The following DBNL variants were observed in gnomAD, a reference collection of about 807,000 sequenced individuals.
DBNL encodes drebrin-like protein.
A neutral mutation model predicts 62.2 loss-of-function variants in DBNL; 35 were observed. That is an observed-to-expected ratio of 0.56 (90% CI 0.43 to 0.75). The LOEUF (loss-of-function observed/expected upper bound fraction) is 0.75, where lower values mean the gene tolerates loss of function less well. DBNL is among the 30% of genes least tolerant of loss of function. DBNL has a pLI of 0.00. For synonymous variants in DBNL, 197 were observed against 218.0 expected (o/e 0.90, Z 0.85); for missense variants, 495 against 578.4 (o/e 0.86, Z 1.48).
At position 44,059,244 on chromosome 7, in the gene DBNL, A is replaced by G; in HGVS notation, c.836-110A>G. 2 of 1,157,168 alleles carry G rather than the reference A, an allele frequency of 1.7e-6. No individual in the cohort carries two copies. The highest frequency in any genetic ancestry group is 1.2e-6 in the Non-Finnish European group (1 of 809,140). The allele number at this position is 1,157,168 out of a possible 1,614,324, so 71.7% of individuals were successfully genotyped here. A position where few individuals can be genotyped will look rare whatever the true frequency, so the allele number is the denominator to read the frequency against. On this transcript the variant is annotated intron_variant, in intron 9 of 12. Coordinates refer to ENST00000448521, the MANE Select transcript of DBNL (RefSeq NM_001014436.3). The surrounding 1 kb of genome is among the most constrained non-coding windows in gnomAD (Gnocchi z 4.1). ...GGGCCTCTGTTCCTGCACTAGCAAG[A>G]GCAAGCCCCATGAGACTGCCTCGAG... is the stretch of plus-strand genomic sequence containing the variant.
At chr7:44,054,712 T>C (rs113697376) in intron 4 of DBNL, among the ~76,000 whole-genome samples, 39 of 152,358 alleles carry the variant, frequency 2.6e-4, no homozygotes, top group African/African-American at 8.2e-4. Flanking sequence ...CCTTCTGTAC[T>C]ATTGAATACT....
In DBNL at chr7:44,044,719, G is replaced by T; in HGVS notation, c.-19G>T. 2.7e-6 allele frequency: 4 copies of T among 1,487,260 alleles called. No individual in the cohort carries two copies. Among genetic ancestry groups the T allele is most frequent in the East Asian group, 5.7e-5 (2 of 35,368 alleles). 92.1% of individuals were successfully genotyped at this position (1,487,260 alleles called of 1,614,324 possible). A position where few individuals can be genotyped will look rare whatever the true frequency, so the allele number is the denominator to read the frequency against. On this transcript the variant is annotated 5_prime_UTR_variant, in exon 1 of 13. Transcript: ENST00000448521. ...GGCCCGGAAGCTACAGCAGCGGCGC[G>T]GAGACTGCGGGGCGGGCCATGGCGG...
rs770104295 is a variant in DBNL at position 44,065,501 on chromosome 7, C to G, written c.*4585C>G. 97 of 1,613,928 alleles carry G rather than the reference C, an allele frequency of 6.0e-5. No individual in the cohort carries two copies. Among genetic ancestry groups the G allele is most frequent in the Non-Finnish European group, 7.6e-5 (90 of 1,180,046 alleles). The stretch of plus-strand genomic sequence containing the variant: ...CTGGTTCCATGTGCTCTCGCCGTGC[C>G]GGACCATCACGAGGCGGTGAGTGGC... On this transcript the variant is annotated 3_prime_UTR_variant, in exon 13 of 13. Transcript: ENST00000448521.
chr7:44,062,771 GC>G lies in DBNL; in HGVS notation c.*1857del, dbSNP rs1562659855. The G allele has an allele frequency of 6.2e-7, 1 of 1,614,168 alleles. No individual in the cohort carries two copies. The highest frequency in any genetic ancestry group is 2.2e-5 in the East Asian group (1 of 44,880). ...ATTGCCCAAGCCCACCCCTCACTTG[GC>G]CTTGCCCTGGGCAGCCACAGCCTCC... On this transcript the variant is annotated 3_prime_UTR_variant, in exon 13 of 13. Coordinates refer to ENST00000448521, the MANE Select transcript of DBNL (RefSeq NM_001014436.3).
At position 44,060,865 on chromosome 7, in the gene DBNL, G is replaced by A. The variant is rs370845162; in HGVS notation, c.1242G>A (p.Pro414=). The A allele has an allele frequency of 4.7e-5, 76 of 1,613,948 alleles. No homozygotes were observed. Among genetic ancestry groups the A allele is most frequent in the East Asian group, 1.3e-4 (6 of 44,890 alleles). ...AAGGCTGGTGGCGTGGCTATGGGCC[G>A]GATGGCCATTTTGGCATGTTCCCTG... ...IDEGWWRGYG[P]DGHFGMFPAN... Residue 414 remains proline, a synonymous_variant, in exon 13 of 13, where the codon CCG becomes CCA. Transcript: ENST00000448521. This position sits in a 1 kb window ranked among gnomAD's most constrained non-coding sequence, Gnocchi z 6.3.
At position 44,062,825 on chromosome 7, in the gene DBNL, C is replaced by T; in HGVS notation, c.*1909C>T. 6.2e-7 allele frequency: 1 copy of T among 1,614,228 alleles called. No individual in the cohort carries two copies. ...GGCCTTCCGCACCGTTTCCTCATCA[C>T]CCAGGAACTGCATGGGCTTGGTGGG... is the stretch of plus-strand genomic sequence containing the variant. On this transcript the variant is annotated 3_prime_UTR_variant, in exon 13 of 13. Transcript: ENST00000448521.
intron 6 of DBNL, 90 bp downstream of exon 6, chr7:44,057,949 C>G (rs1018627117): frequency 1.3e-6 from 2 of 1,576,000 alleles, no homozygotes; most frequent in South Asian, 2.3e-5. Context: ...ATGCAGCATC[C>G]ACTCTCCTTG....
intron 1 of DBNL, among the ~76,000 whole-genome samples, chr7:44,045,612 C>T (rs2096115904): frequency 6.6e-6 from 1 of 152,250 alleles, no homozygotes; most frequent in Admixed American, 6.5e-5. Flanking sequence ...GGAATAGAAA[C>T]TGGGCCTTGG....
chr7:44,057,886 G>C lies in DBNL; in HGVS notation c.552+27G>C, dbSNP rs202107637. On this transcript the variant is annotated intron_variant, in intron 6 of 12. Coordinates refer to ENST00000448521, the MANE Select transcript of DBNL (RefSeq NM_001014436.3). ...TGAGTGCTGCCCCGGGGCATGCTGGGCACGTGGGAGTGTTCTGCTTGCTGT... is the reference window on the plus strand; with the variant it reads ...TGAGTGCTGCCCCGGGGCATGCTGGCCACGTGGGAGTGTTCTGCTTGCTGT... 99 of 1,613,870 alleles carry C rather than the reference G, an allele frequency of 6.1e-5. No individual in the cohort carries two copies. The African/African-American group carries it at 1.1e-3, about 18-fold the overall frequency.
chr7:44,048,759 C>A (rs2128789427), intron 1 of DBNL, among the ~76,000 whole-genome samples: 1 of 152,338 alleles, frequency 6.6e-6, no homozygotes, highest in Non-Finnish European at 1.5e-5. Flanking sequence ...TGGGTCAGTG[C>A]CTCCAGCCCA....
intron 3 of DBNL, among the ~76,000 whole-genome samples, chr7:44,052,566 C>A (rs144657693): frequency 3.3e-5 from 5 of 151,072 alleles, no homozygotes; most frequent in African/African-American, 9.7e-5. Flanking sequence ...GCCAAGATTG[C>A]GCCACTGTAC....
In DBNL at chr7:44,064,683, A is replaced by C; in HGVS notation, c.*3767A>C. ...TGGGGAAAATTTCACAAAACTAAAA[A>C]ATGGCTTCTCAGCCCTCCTTTTTCA... On this transcript the variant is annotated 3_prime_UTR_variant, in exon 13 of 13. Coordinates refer to ENST00000448521, the MANE Select transcript of DBNL (RefSeq NM_001014436.3). The C allele has an allele frequency of 1.4e-6, 1 of 725,488 alleles. No individual in the cohort carries two copies. The highest frequency in any genetic ancestry group is 1.7e-5 in the South Asian group (1 of 59,052). The allele number at this position is 725,488 out of a possible 1,614,324, so 44.9% of individuals were successfully genotyped here.
intron 6 of DBNL, 126 bp from the exon 7 acceptor site, chr7:44,058,003 C>A: frequency 6.6e-7 from 1 of 1,522,910 alleles, no homozygotes. Context: ...GTAAGTTAAG[C>A]CACAAGGCTA....
At position 44,052,056 on chromosome 7, in the gene DBNL, T is replaced by C. The variant is rs1034571666; in HGVS notation, c.252+114T>C. The C allele has an allele frequency of 1.8e-5, 15 of 823,656 alleles. No homozygotes were observed. The African/African-American group carries it at 2.5e-4, about 14-fold the overall frequency. The allele number at this position is 823,656 out of a possible 1,614,324, so 51.0% of individuals were successfully genotyped here. A position where few individuals can be genotyped will look rare whatever the true frequency, so the allele number is the denominator to read the frequency against. On this transcript the variant is annotated intron_variant, in intron 3 of 12. Coordinates refer to ENST00000448521, the MANE Select transcript of DBNL (RefSeq NM_001014436.3). ...TTACTGGCATGACTTAGTAGATCAA[T>C]AGAACAGCTCTGAGCTGGTGAATGA... is the stretch of plus-strand genomic sequence containing the variant.
rs917206743 is a variant in DBNL at position 44,057,874 on chromosome 7, G to A, written c.552+15G>A. On this transcript the variant is annotated intron_variant, in intron 6 of 12. Transcript: ENST00000448521. Reference sequence around the variant, plus strand: ...CCAAAGCAGAGGTGAGTGCTGCCCCGGGGCATGCTGGGCACGTGGGAGTGT... The same window carrying A: ...CCAAAGCAGAGGTGAGTGCTGCCCCAGGGCATGCTGGGCACGTGGGAGTGT... The A allele has an allele frequency of 9.3e-6, 15 of 1,613,948 alleles. No individual in the cohort carries two copies. Among genetic ancestry groups the A allele is most frequent in the Middle Eastern group, 3.3e-4 (2 of 6,084 alleles).
At chr7:44,057,894 G>A (rs1397341379) in intron 6 of DBNL, 35 bp downstream of exon 6, 4 of 1,613,278 alleles carry the variant, frequency 2.5e-6, no homozygotes, top group Non-Finnish European at 3.4e-6. Flanking sequence ...GGGCACGTGG[G>A]AGTGTTCTGC....
rs1586001045 is a variant in DBNL at position 44,064,461 on chromosome 7, G to A, written c.*3545G>A. 3.1e-6 allele frequency: 1 copy of A among 323,302 alleles called. No homozygotes were observed. The highest frequency in any genetic ancestry group is 2.2e-5 in the African/African-American group (1 of 46,470). The allele number at this position is 323,302 out of a possible 1,614,324, so 20.0% of individuals were successfully genotyped here. A position where few individuals can be genotyped will look rare whatever the true frequency, so the allele number is the denominator to read the frequency against. ...TCCCCACCACCCCGGAAAAGGGAGAGGCCCAGAGATGGAGGTGGCTTGTCC... is the reference window on the plus strand; with the variant it reads ...TCCCCACCACCCCGGAAAAGGGAGAAGCCCAGAGATGGAGGTGGCTTGTCC... On this transcript the variant is annotated 3_prime_UTR_variant, in exon 13 of 13. Transcript: ENST00000448521.
In DBNL at chr7:44,064,793, G is replaced by GGGCCCCCCCCCCCCCCCCCC; in HGVS notation, c.*3877_*3878insGGCCCCCCCCCCCCCCCCCC. On this transcript the variant is annotated 3_prime_UTR_variant, in exon 13 of 13. Transcript: ENST00000448521. ...AGATGAGAAGCCAGCTGGGGCTGCT[G>GGGCCCCCCCCCCCCCCCCCC]CCCACCCACCCTGCCCAGGCTCCTG... The GGGCCCCCCCCCCCCCCCCCC allele has an allele frequency of 1.8e-6, 2 of 1,136,966 alleles. No individual in the cohort carries two copies. Among genetic ancestry groups the GGGCCCCCCCCCCCCCCCCCC allele is most frequent in the Non-Finnish European group, 2.6e-6 (2 of 773,388 alleles). The allele number at this position is 1,136,966 out of a possible 1,614,324, so 70.4% of individuals were successfully genotyped here.
In DBNL at chr7:44,056,647, A is replaced by T. The variant is rs112184986; in HGVS notation, c.328-110A>T. 3 of 1,428,288 alleles carry T rather than the reference A, an allele frequency of 2.1e-6. No homozygotes were observed. In the African/African-American group the frequency reaches 4.3e-5, roughly 20 times the overall value. 88.5% of individuals were successfully genotyped at this position (1,428,288 alleles called of 1,614,324 possible). A position where few individuals can be genotyped will look rare whatever the true frequency, so the allele number is the denominator to read the frequency against. The stretch of plus-strand genomic sequence containing the variant: ...CAGACAGGTGCCTTCTAGTTTCCTG[A>T]TTCCAGTCCTGTGTGGTATAGTAGT... On this transcript the variant is annotated intron_variant, in intron 4 of 12. Coordinates refer to ENST00000448521, the MANE Select transcript of DBNL (RefSeq NM_001014436.3).
Sources: gnomAD v4.1 joint callset for allele counts (sites outside exome capture counted in the v4.1 genomes callset) on GRCh38, gnomAD v4.1.1 for gene constraint, Gnocchi (gnomAD v3.1) non-coding constraint, MANE v1.5 for transcripts, NCBI Gene and HGNC (gene_info 2026-07-23, HGNC 2026-07-21) for gene names.